KIF13A: variants seen among roughly 807,000 people sequenced by gnomAD.
KIF13A encodes kinesin-like protein KIF13A.
In KIF13A, 79 loss-of-function variants were observed where a neutral mutation model predicts 212.2. The observed-to-expected ratio is 0.37, with a 90% CI of 0.31 to 0.45. KIF13A has a LOEUF of 0.45. Ranked by LOEUF, KIF13A falls within the 20% of genes least tolerant of loss-of-function variation. The probability of loss-of-function intolerance (pLI) is 1.00; values close to 1 mark genes in which losing one functional copy is unlikely to be tolerated. For synonymous variants in KIF13A, 789 were observed against 808.6 expected, an observed-to-expected ratio of 0.98 and a Z score of 0.41; for missense variants, 1,901 against 2,209.0, an observed-to-expected ratio of 0.86 and a Z score of 2.79.
rs1033597765 is a variant in KIF13A at position 17,789,457 on chromosome 6, G to A, written c.3261+415C>T. 2.7e-4 allele frequency among the ~76,000 whole-genome samples: 41 copies of A among 152,296 alleles called. No individual in the cohort carries two copies. The highest frequency in any genetic ancestry group is 8.4e-4 in the African/African-American group (35 of 41,560). ...GCAGAATGCACTTTAGCATGGGAAA[G>A]ATAAGAGTCTATCTAAAAGATTATG... is the stretch of plus-strand genomic sequence containing the variant. On this transcript the variant is annotated intron_variant, in intron 26 of 38. Transcript: ENST00000259711. The surrounding 1 kb of genome is among the most constrained non-coding windows in gnomAD (Gnocchi z 4.8).
chr6:17,781,253 C>A lies in KIF13A; in HGVS notation c.3593G>T (p.Gly1198Val), dbSNP rs1340752220. The change falls in exon 30 of 39, where the codon GGC (glycine) becomes GTC (valine). Residue 1198 changes from glycine to valine, a missense_variant. Physicochemically the swap from Gly to Val is moderately radical, Grantham distance 109. Around this residue, in one of 5 missense-constraint regions of KIF13A, gnomAD observed 687 missense variants for 759.1 expected, o/e 0.90. Transcript: ENST00000259711. ...CTCCTTGGGCAGGATGGAGTTCACG[C>A]CGGATGCATGGGGGCCAACAAGCTG... The part of the protein sequence containing the change: ...NEQLVGPHAS[G>V]VNSILPKEHG... 6.2e-7 allele frequency: 1 copy of A among 1,613,476 alleles called. No homozygotes were observed. Among genetic ancestry groups the A allele is most frequent in the Non-Finnish European group, 8.5e-7 (1 of 1,179,754 alleles).
rs1305582308 is a variant in KIF13A, at chr6:17,838,623, T to C, written c.831-1040A>G. Among the ~76,000 whole-genome samples the C allele has an allele frequency of 6.6e-6, 1 of 151,978 alleles. No homozygotes were observed. Among genetic ancestry groups the C allele is most frequent in the Non-Finnish European group, 1.5e-5 (1 of 67,994 alleles). On this transcript the variant is annotated intron_variant, in intron 9 of 38. Coordinates refer to ENST00000259711, the MANE Select transcript of KIF13A (RefSeq NM_022113.6). This position sits in a 1 kb window ranked among gnomAD's most constrained non-coding sequence, Gnocchi z 4.2. ...GCATAAATATGTACATCATCTTAAG[T>C]GAAACAAGTCAAAAAAATTAAAATA...
In KIF13A at chr6:17,912,866, T is replaced by C. The variant is rs568141686; in HGVS notation, c.147-14686A>G. On this transcript the variant is annotated intron_variant, in intron 2 of 38. Coordinates refer to ENST00000259711, the MANE Select transcript of KIF13A (RefSeq NM_022113.6). The surrounding 1 kb of genome is among the most constrained non-coding windows in gnomAD (Gnocchi z 4.2). ...ACACTGATGGTAAAAGGAGAATTTG[T>C]TGAGAACATATTTCTATAATTTCTC... Among the ~76,000 whole-genome samples, 12 of 152,310 alleles carry C rather than the reference T, an allele frequency of 7.9e-5. No homozygotes were observed. In the South Asian group the frequency reaches 2.5e-3, roughly 32 times the overall value.
rs887782829 is a variant in KIF13A at position 17,952,746 on chromosome 6, C to T, written c.146+34308G>A. Among the ~76,000 whole-genome samples, 8 of 151,688 alleles carry T rather than the reference C, an allele frequency of 5.3e-5. No homozygotes were observed. In the East Asian group the frequency reaches 9.8e-4, roughly 19 times the overall value. ...GAGATTGAGACCATCCTGGCTAACA[C>T]GGTGAAACACTGTCTCTACTAAAAA... On this transcript the variant is annotated intron_variant, in intron 2 of 38. Coordinates refer to ENST00000259711, the MANE Select transcript of KIF13A (RefSeq NM_022113.6).
intron 2 of KIF13A, among the ~76,000 whole-genome samples, chr6:17,902,859 T>C (rs1416566804): frequency 6.6e-6 from 1 of 152,146 alleles, no homozygotes; most frequent in East Asian, 1.9e-4. Flanking sequence ...ATAATCCCTG[T>C]CCCCAATCCC....
At chr6:17,881,296 G>C (rs1317443142) in intron 3 of KIF13A, among the ~76,000 whole-genome samples, 4 of 152,152 alleles carry the variant, frequency 2.6e-5, no homozygotes, top group Non-Finnish European at 5.9e-5. Context: ...TACTAAAGCT[G>C]TTTTTAATAA....
At chr6:17,812,654 T>C (rs1763530429) in intron 17 of KIF13A, 1 of 152,230 alleles carries the variant, frequency 6.6e-6, no homozygotes, top group South Asian at 2.1e-4. Context: ...TGCATGTGTC[T>C]TTATGGTAGA....
At position 17,829,962 on chromosome 6, in the gene KIF13A, T is replaced by A. The variant is rs539108141; in HGVS notation, c.1401+1139A>T. Among the ~76,000 whole-genome samples the A allele has an allele frequency of 8.5e-5, 13 of 152,286 alleles. No homozygotes were observed. The South Asian group carries it at 2.7e-3, about 32-fold the overall frequency. The stretch of plus-strand genomic sequence containing the variant: ...CTTCGCATTTAGAGATTCAGGTGTG[T>A]GGACAGCATATGTAAGCTGCCTTCA... On this transcript the variant is annotated intron_variant, in intron 13 of 38. Transcript: ENST00000259711. The surrounding 1 kb of genome is among the most constrained non-coding windows in gnomAD (Gnocchi z 5.4).
rs1251687640 is a variant in KIF13A, at chr6:17,934,472, T to C, written c.147-36292A>G. Among the ~76,000 whole-genome samples, 1 of 151,872 alleles carries C rather than the reference T, an allele frequency of 6.6e-6. No individual in the cohort carries two copies. Among genetic ancestry groups the C allele is most frequent in the Non-Finnish European group, 1.5e-5 (1 of 67,986 alleles). ...GTATTCTAAAATCATAAATACAGAA[T>C]CCCCAATAATATCATAATAAAAAGA... is the stretch of plus-strand genomic sequence containing the variant. On this transcript the variant is annotated intron_variant, in intron 2 of 38. Transcript: ENST00000259711. The surrounding 1 kb of genome is among the most constrained non-coding windows in gnomAD (Gnocchi z 5.4).
intron 2 of KIF13A, 61 bp downstream of exon 2, chr6:17,986,993 C>G: frequency 3.1e-6 from 4 of 1,295,910 alleles, no homozygotes; most frequent in Non-Finnish European, 4.5e-6. Context: ...TTTCCTGGCT[C>G]AAACTTGCGG....
chr6:17,949,253 G>A (rs1394188188), intron 2 of KIF13A, among the ~76,000 whole-genome samples: 2 of 152,170 alleles, frequency 1.3e-5, no homozygotes, highest in African/African-American at 4.8e-5. Context: ...TCGCCAGAGT[G>A]TACCATAGCT....
rs1777491677 is a variant in KIF13A at position 17,947,338 on chromosome 6, T to C, written c.146+39716A>G. 6.6e-6 allele frequency among the ~76,000 whole-genome samples: 1 copy of C among 152,136 alleles called. No homozygotes were observed. Among genetic ancestry groups the C allele is most frequent in the South Asian group, 2.1e-4 (1 of 4,830 alleles). ...ATATACTTCTTTATTATACATGCAA[T>C]GAATTTTTTAAATAAAGCAAATTTA... is the stretch of plus-strand genomic sequence containing the variant. On this transcript the variant is annotated intron_variant, in intron 2 of 38. Coordinates refer to ENST00000259711, the MANE Select transcript of KIF13A (RefSeq NM_022113.6). This position sits in a 1 kb window ranked among gnomAD's most constrained non-coding sequence, Gnocchi z 4.6.
Position 17,799,562 on chromosome 6 carries a change from T to C in KIF13A, c.2617-123A>G, listed in dbSNP as rs929361437. On this transcript the variant is annotated intron_variant, in intron 21 of 38. Coordinates refer to ENST00000259711, the MANE Select transcript of KIF13A (RefSeq NM_022113.6). This position sits in a 1 kb window ranked among gnomAD's most constrained non-coding sequence, Gnocchi z 4.4. ...GTCATCCATTTGACATGTGAAAATA[T>C]TATATCTGACACCGTGACACTAAGG... 13 of 768,124 alleles carry C rather than the reference T, an allele frequency of 1.7e-5. No homozygotes were observed. Among genetic ancestry groups the C allele is most frequent in the Middle Eastern group, 3.7e-4 (1 of 2,690 alleles). The allele number at this position is 768,124 out of a possible 1,614,324, so 47.6% of individuals were successfully genotyped here.
At chr6:17,952,645 G>A (rs1777965518) in intron 2 of KIF13A, among the ~76,000 whole-genome samples, 1 of 149,814 alleles carries the variant, frequency 6.7e-6, no homozygotes, top group Non-Finnish European at 1.5e-5. Flanking sequence ...TGTAAGAAAA[G>A]AAAAGCCGGG....
intron 16 of KIF13A, among the ~76,000 whole-genome samples, chr6:17,820,577 A>T (rs945415492): frequency 1.3e-5 from 2 of 152,182 alleles, no homozygotes; most frequent in African/African-American, 4.8e-5. Context: ...CCTTTCTCAA[A>T]ATACCAACCA....
rs185926559 is a variant in KIF13A, at chr6:17,775,065, A to G, written c.4171-3T>C. The G allele has an allele frequency of 9.3e-5, 149 of 1,609,922 alleles. No individual in the cohort carries two copies. In the African/African-American group the frequency reaches 1.4e-3, roughly 15 times the overall value. On this transcript the variant is annotated splice_polypyrimidine_tract_variant and splice_region_variant and intron_variant, in intron 34 of 38. Transcript: ENST00000259711. Reference sequence around the variant, plus strand: ...AGGTCCGGTCGGCTGGAAGAGACCTATAAGAGAAGAATGGTTTTAGCAATG... The same window carrying G: ...AGGTCCGGTCGGCTGGAAGAGACCTGTAAGAGAAGAATGGTTTTAGCAATG...
intron 6 of KIF13A, among the ~76,000 whole-genome samples, chr6:17,854,545 A>ATTTTTTT (rs1562059246): frequency 8.3e-6 from 1 of 119,902 alleles, no homozygotes; most frequent in East Asian, 2.4e-4. Context: ...AAATCAGTAT[A>ATTTTTTT]ATTTTTTTTT....
At chr6:17,935,009 C>T (rs779171591) in intron 2 of KIF13A, among the ~76,000 whole-genome samples, 11 of 152,102 alleles carry the variant, frequency 7.2e-5, no homozygotes, top group East Asian at 1.9e-4. Flanking sequence ...CTTCCCACCA[C>T]GCTAAGGGCA....
chr6:17,955,276 C>A (rs1778257379), intron 2 of KIF13A, among the ~76,000 whole-genome samples: 1 of 152,158 alleles, frequency 6.6e-6, no homozygotes, highest in Non-Finnish European at 1.5e-5. Context: ...GAAGCCAGGA[C>A]TAGAACCAAG....
Sources: gnomAD v4.1 joint callset for allele counts (sites outside exome capture counted in the v4.1 genomes callset) on GRCh38, gnomAD v4.1.1 for gene constraint, gnomAD v4.1.1 regional missense constraint, Gnocchi (gnomAD v3.1) non-coding constraint, MANE v1.5 for transcripts, NCBI Gene and HGNC (gene_info 2026-07-23, HGNC 2026-07-21) for gene names.